The following PITPNC1 variants were observed in gnomAD, a reference collection of about 807,000 sequenced individuals.
PITPNC1 encodes the protein cytoplasmic phosphatidylinositol transfer protein 1.
A neutral mutation model predicts 44.7 loss-of-function variants in PITPNC1; 18 were observed. The observed-to-expected ratio is 0.40, with a 90% confidence interval of 0.28 to 0.60. The LOEUF is 0.60. PITPNC1 is among the 20% of genes least tolerant of loss of function. The pLI is 0.39. For missense variants in PITPNC1, 290 were observed against 418.4 expected, an observed-to-expected ratio of 0.69 and a Z score of 2.68; for synonymous variants, 141 against 149.6, an observed-to-expected ratio of 0.94 and a Z score of 0.42.
In PITPNC1 at chr17:67,478,052, C is replaced by T. The variant is rs1018685220; in HGVS notation, c.49-54750C>T. Among the ~76,000 whole-genome samples the T allele has an allele frequency of 1.5e-4, 23 of 152,258 alleles. No individual in the cohort carries two copies. The South Asian group carries it at 4.1e-3, about 27-fold the overall frequency. ...TAAGATTCTCTTACATTACCTCTAG[C>T]TCAGACACTCTGCTTGTATTGGAAA... is the stretch of plus-strand genomic sequence containing the variant. On this transcript the variant is annotated intron_variant, in intron 1 of 8. Transcript: ENST00000581322.
intron 1 of PITPNC1, among the ~76,000 whole-genome samples, chr17:67,415,927 T>C (rs925170526): frequency 6.6e-6 from 1 of 151,818 alleles, no homozygotes; most frequent in African/African-American, 2.4e-5. Flanking sequence ...AAAAAAATCC[T>C]GAGTATGGTT....
intron 7 of PITPNC1, among the ~76,000 whole-genome samples, chr17:67,670,166 A>G (rs2042489499): frequency 6.6e-6 from 1 of 152,200 alleles, no homozygotes; most frequent in Admixed American, 6.5e-5. Flanking sequence ...TTCTTCCACT[A>G]ATAGATGTTT....
At chr17:67,583,969 G>A (rs1204406559) in intron 5 of PITPNC1, among the ~76,000 whole-genome samples, 6 of 150,952 alleles carry the variant, frequency 4.0e-5, no homozygotes, top group African/African-American at 1.2e-4. Context: ...TCGATCTCCC[G>A]ACCTCATGAT....
chr17:67,632,351 A>G (rs551260548), intron 6 of PITPNC1, 113 bp downstream of exon 6: 5 of 691,702 alleles, frequency 7.2e-6, no homozygotes, highest in East Asian at 2.8e-5. Context: ...TGTGGATTCA[A>G]TTTGCTTTCG....
chr17:67,445,240 GT>G (rs1359603853), intron 1 of PITPNC1, among the ~76,000 whole-genome samples: 1 of 152,012 alleles, frequency 6.6e-6, no homozygotes, highest in East Asian at 1.9e-4. Flanking sequence ...TGGATCAGAG[GT>G]GATTGTTTTC....
intron 1 of PITPNC1, among the ~76,000 whole-genome samples, chr17:67,476,668 A>G (rs2039634882): frequency 6.6e-6 from 1 of 151,930 alleles, no homozygotes; most frequent in African/African-American, 2.4e-5. Context: ...ATTTTTTTGT[A>G]GAGATGGGGT....
intron 1 of PITPNC1, among the ~76,000 whole-genome samples, chr17:67,481,513 AT>A (rs1159716133): frequency 6.6e-6 from 1 of 152,056 alleles, no homozygotes; most frequent in African/African-American, 2.4e-5. Flanking sequence ...TGATTTTCAA[AT>A]TTTTTTTAGA....
chr17:67,678,454 C>G (rs977111799), intron 8 of PITPNC1, among the ~76,000 whole-genome samples: 2 of 152,134 alleles, frequency 1.3e-5, no homozygotes, highest in Non-Finnish European at 2.9e-5. Flanking sequence ...ATTAGGACAC[C>G]TTGCACTCCC....
chr17:67,575,930 G>T (rs2041143481), intron 4 of PITPNC1, among the ~76,000 whole-genome samples: 1 of 129,778 alleles, frequency 7.7e-6, no homozygotes, highest in Admixed American at 9.1e-5. Context: ...AGACTGGAGT[G>T]CAATGGCATG....
At chr17:67,425,206 CACACACACACACACACA>C (rs1567984782) in intron 1 of PITPNC1, among the ~76,000 whole-genome samples, 5 of 25,484 alleles carry the variant, frequency 2.0e-4, no homozygotes, top group African/African-American at 1.3e-3. Context: ...CGCACACGCA[CACACACACACACACACA>C]CACACACACA....
At chr17:67,674,595 G>A (rs1478731563) in intron 7 of PITPNC1, among the ~76,000 whole-genome samples, 1 of 148,294 alleles carries the variant, frequency 6.7e-6, no homozygotes, top group African/African-American at 2.5e-5. Flanking sequence ...TCAGAAAAGA[G>A]GGAATGTTAA....
intron 5 of PITPNC1, among the ~76,000 whole-genome samples, chr17:67,631,845 G>T (rs1282479292): frequency 6.7e-6 from 1 of 149,466 alleles, no homozygotes; most frequent in Non-Finnish European, 1.5e-5. Context: ...TTTGGGAAGA[G>T]ATTTTTTTTT....
At chr17:67,586,543 C>T (rs965656113) in intron 5 of PITPNC1, among the ~76,000 whole-genome samples, 11 of 151,752 alleles carry the variant, frequency 7.2e-5, no homozygotes, top group African/African-American at 2.7e-4. Context: ...TGCAGTGAGC[C>T]GAAATTGTGC....
chr17:67,559,748 A>G (rs1004028804), intron 4 of PITPNC1, among the ~76,000 whole-genome samples: 1 of 152,182 alleles, frequency 6.6e-6, no homozygotes, highest in South Asian at 2.1e-4. Flanking sequence ...TTAGCTGTGC[A>G]TGGTGACGCA....
chr17:67,531,624 T>G (rs1207022350), intron 1 of PITPNC1, among the ~76,000 whole-genome samples: 1 of 152,236 alleles, frequency 6.6e-6, no homozygotes, highest in Non-Finnish European at 1.5e-5. Flanking sequence ...TGTTGACTTG[T>G]GCATTTCATC....
intron 8 of PITPNC1, 38 bp from the exon 9 acceptor site, chr17:67,692,534 A>G (rs1187945661): frequency 1.3e-6 from 2 of 1,483,568 alleles, no homozygotes; most frequent in African/African-American, 2.8e-5. Flanking sequence ...TCTCTTATAA[A>G]TAACTGCTCG....
In PITPNC1 at chr17:67,565,071, A is replaced by G. The variant is rs1051132681; in HGVS notation, c.294+11454A>G. Among the ~76,000 whole-genome samples the G allele has an allele frequency of 2.0e-5, 3 of 151,366 alleles. 1 individual carries two copies. In the South Asian group the frequency reaches 6.3e-4, roughly 32 times the overall value. ...TTTCAGTGGATATACTAGTTTTTCA[A>G]TGTTTTTCAGTGTGTATACTTGTTT... On this transcript the variant is annotated intron_variant, in intron 4 of 8. Transcript: ENST00000581322.
intron 1 of PITPNC1, among the ~76,000 whole-genome samples, chr17:67,403,619 C>T (rs1456030911): frequency 6.6e-6 from 1 of 152,204 alleles, no homozygotes; most frequent in African/African-American, 2.4e-5. Context: ...TTCAATTTTG[C>T]AGTTATCCTC....
At chr17:67,396,758 T>C (rs370680913) in intron 1 of PITPNC1, among the ~76,000 whole-genome samples, 2 of 152,116 alleles carry the variant, frequency 1.3e-5, no homozygotes, top group South Asian at 2.1e-4. Context: ...TTCACCTCCC[T>C]GAGCTCAAGC....
Sources: gnomAD v4.1 joint callset for allele counts (sites outside exome capture counted in the v4.1 genomes callset) on GRCh38, gnomAD v4.1.1 for gene constraint, MANE v1.5 for transcripts, NCBI Gene and HGNC (gene_info 2026-07-23, HGNC 2026-07-21) for gene names.